THRB: variants seen among roughly 807,000 people sequenced by gnomAD.
THRB encodes the protein thyroid hormone receptor beta.
In THRB, 12 loss-of-function variants were observed where a neutral mutation model predicts 47.8. The observed-to-expected ratio is 0.25, with a 90% confidence interval of 0.16 to 0.41. The LOEUF (loss-of-function observed/expected upper bound fraction) is 0.41. Ranked by LOEUF, THRB falls within the 10% of genes least tolerant of loss-of-function variation. The pLI is 1.00. For missense variants in THRB, 348 were observed against 589.2 expected (o/e 0.59, Z 4.24); for synonymous variants, 218 against 212.2 (o/e 1.03, Z -0.24).
chr3:24,366,383 C>G (rs1056005918), intron 1 of THRB, among the ~76,000 whole-genome samples: 7 of 152,132 alleles, frequency 4.6e-5, no homozygotes, highest in Non-Finnish European at 7.3e-5. Context: ...CCCCATGCTT[C>G]CAGGCAGTCA....
chr3:24,210,390 C>G (rs1387181042), intron 4 of THRB, among the ~76,000 whole-genome samples: 1 of 151,822 alleles, frequency 6.6e-6, no homozygotes, highest in African/African-American at 2.4e-5. Context: ...TGGATCTCAC[C>G]CAGGTTGGTT....
chr3:24,279,424 C>T (rs141366428), intron 3 of THRB, among the ~76,000 whole-genome samples: 1 of 151,998 alleles, frequency 6.6e-6, no homozygotes, highest in Non-Finnish European at 1.5e-5. Flanking sequence ...CATTCTGTCG[C>T]CCAGGCTGGA....
At chr3:24,210,071 G>C (rs2045862885) in intron 4 of THRB, among the ~76,000 whole-genome samples, 1 of 152,176 alleles carries the variant, frequency 6.6e-6, no homozygotes, top group Non-Finnish European at 1.5e-5. Context: ...TGTTTCTCTT[G>C]TATATTTTCA....
At chr3:24,188,728 A>G (rs2042920330) in intron 5 of THRB, among the ~76,000 whole-genome samples, 1 of 138,016 alleles carries the variant, frequency 7.2e-6, no homozygotes, top group Admixed American at 7.6e-5. Flanking sequence ...TTGTATTGCA[A>G]ACAAATGTAT....
At chr3:24,401,923 G>C (rs1260462508) in intron 1 of THRB, among the ~76,000 whole-genome samples, 2 of 152,054 alleles carry the variant, frequency 1.3e-5, no homozygotes, top group Non-Finnish European at 2.9e-5. Context: ...TGGCCCAGGT[G>C]TTAGAGAAGA....
At chr3:24,310,068 T>C (rs1376666571) in intron 2 of THRB, among the ~76,000 whole-genome samples, 1 of 150,876 alleles carries the variant, frequency 6.6e-6, no homozygotes, top group African/African-American at 2.4e-5. Context: ...GAGCCATATA[T>C]CACATTGGAA....
chr3:24,200,427 A>C lies in THRB; in HGVS notation c.23-10093T>G, dbSNP rs1559579430. 2.0e-5 allele frequency among the ~76,000 whole-genome samples: 3 copies of C among 152,360 alleles called. 1 individual carries two copies. The highest frequency in any genetic ancestry group is 4.1e-4 in the South Asian group (2 of 4,832). ...AAACTTAAGATTTATAATTTCTCAA[A>C]TAAAAGACAAAATATGACTTGGGTA... On this transcript the variant is annotated intron_variant, in intron 4 of 10. Coordinates refer to ENST00000646209, the MANE Select transcript of THRB (RefSeq NM_001354712.2).
intron 2 of THRB, among the ~76,000 whole-genome samples, chr3:24,333,694 C>T (rs1390217105): frequency 1.3e-5 from 2 of 152,172 alleles, no homozygotes; most frequent in Non-Finnish European, 2.9e-5. Context: ...TGTTCTTTTT[C>T]ACGTATGATT....
intron 5 of THRB, among the ~76,000 whole-genome samples, chr3:24,167,285 G>A (rs1484930215): frequency 1.3e-5 from 2 of 152,136 alleles, no homozygotes; most frequent in African/African-American, 4.8e-5. Flanking sequence ...GTATATATTT[G>A]AACCTGGAAA....
intron 3 of THRB, among the ~76,000 whole-genome samples, chr3:24,276,947 T>C (rs1485133737): frequency 6.6e-6 from 1 of 151,276 alleles, no homozygotes; most frequent in Non-Finnish European, 1.5e-5. Context: ...AAAAGTTATA[T>C]GCAAACTTCA....
At chr3:24,361,592 G>A (rs770517464) in intron 1 of THRB, among the ~76,000 whole-genome samples, 3 of 152,080 alleles carry the variant, frequency 2.0e-5, no homozygotes, top group Non-Finnish European at 4.4e-5. Context: ...AGTGATTAAG[G>A]AAAACCAAAG....
At chr3:24,169,093 A>C (rs1004597390) in intron 5 of THRB, among the ~76,000 whole-genome samples, 12 of 152,172 alleles carry the variant, frequency 7.9e-5, no homozygotes, top group Non-Finnish European at 1.5e-4. Flanking sequence ...AGAGCCTTTT[A>C]ACTTCCACTC....
chr3:24,471,479 G>A (rs925796535), intron 1 of THRB, among the ~76,000 whole-genome samples: 5 of 152,192 alleles, frequency 3.3e-5, no homozygotes, highest in Non-Finnish European at 1.5e-5. Context: ...CTAATGCAAT[G>A]TTGTGGTTTT....
At chr3:24,131,384 C>T (rs758580833) in intron 9 of THRB, among the ~76,000 whole-genome samples, 12 of 152,116 alleles carry the variant, frequency 7.9e-5, no homozygotes, top group East Asian at 1.9e-4. Flanking sequence ...CTAAAAAAGG[C>T]GTCAAAGGCA....
intron 1 of THRB, among the ~76,000 whole-genome samples, chr3:24,471,625 C>T (rs1043424566): frequency 8.5e-5 from 13 of 152,156 alleles, no homozygotes; most frequent in African/African-American, 3.1e-4. Flanking sequence ...GTAAGCATGT[C>T]ATCCATATCT....
chr3:24,189,914 A>G, intron 5 of THRB, 160 bp downstream of exon 5: 1 of 691,674 alleles, frequency 1.4e-6, no homozygotes, highest in Non-Finnish European at 2.4e-6. Context: ...TTATGTTTAA[A>G]AGAATATTTG....
intron 1 of THRB, among the ~76,000 whole-genome samples, chr3:24,398,881 T>C (rs927517676): frequency 3.9e-5 from 6 of 152,104 alleles, no homozygotes; most frequent in Non-Finnish European, 5.9e-5. Context: ...ATATACACCA[T>C]GGAATACTAT....
chr3:24,194,674 T>C (rs1285128864), intron 4 of THRB, among the ~76,000 whole-genome samples: 16 of 152,224 alleles, frequency 1.1e-4, no homozygotes, highest in Admixed American at 1.0e-3. Flanking sequence ...AGTGTTCTTT[T>C]GCAAAAGAGA....
intron 1 of THRB, among the ~76,000 whole-genome samples, chr3:24,435,609 T>C (rs1338825316): frequency 1.3e-5 from 2 of 152,138 alleles, no homozygotes; most frequent in African/African-American, 4.8e-5. Context: ...TATGGGTATA[T>C]TTGCTACATG....
Sources: gnomAD v4.1 joint callset for allele counts (sites outside exome capture counted in the v4.1 genomes callset) on GRCh38, gnomAD v4.1.1 for gene constraint, MANE v1.5 for transcripts, NCBI Gene and HGNC (gene_info 2026-07-23, HGNC 2026-07-21) for gene names.